The following RFC1 variants were observed in gnomAD, a reference collection of about 807,000 sequenced individuals.
The protein encoded by RFC1 is replication factor C subunit 1.
In RFC1, 37 loss-of-function variants were observed where a neutral mutation model predicts 137.4. The observed-to-expected ratio is 0.27, with a 90% CI of 0.21 to 0.35. The LOEUF (loss-of-function observed/expected upper bound fraction) is 0.35, where lower values mean the gene tolerates loss of function less well. Among genes scored for constraint, RFC1 ranks in the 10% least tolerant of loss-of-function variants. The probability of loss-of-function intolerance (pLI) is 1.00; values close to 1 mark genes in which losing one functional copy is unlikely to be tolerated. For missense variants in RFC1, 1,205 were observed against 1,358.5 expected, an observed-to-expected ratio of 0.89 and a Z score of 1.78; for synonymous variants, 429 against 455.7, an observed-to-expected ratio of 0.94 and a Z score of 0.75.
Position 39,351,433 on chromosome 4 carries a change from A to G in RFC1, c.47T>C (p.Leu16Pro). Residue 16 changes from leucine (L) to proline (P), a missense_variant, in exon 2 of 25, where the codon CTT becomes CCT. Coordinates refer to ENST00000349703, the MANE Select transcript of RFC1 (RefSeq NM_002913.5). ...ATTCTTCTTTACTGTTTCACTTACA[A>G]GTTTCTTTCCACTTGGTATTACTCC... ...FFGVIPSGKK[L>P]VSETVKKNEK... The G allele has an allele frequency of 6.3e-7, 1 of 1,579,562 alleles. No individual in the cohort carries two copies. The highest frequency in any genetic ancestry group is 8.6e-7 in the Non-Finnish European group (1 of 1,165,704).
chr4:39,287,470 A>G lies in RFC1; in HGVS notation c.*1291T>C, dbSNP rs1360156114. The G allele has an allele frequency of 6.6e-6, 1 of 152,218 alleles. No homozygotes were observed. The highest frequency in any genetic ancestry group is 2.4e-5 in the African/African-American group (1 of 41,462). The allele number at this position is 152,218 out of a possible 1,614,324, so 9.4% of individuals were successfully genotyped here. The stretch of plus-strand genomic sequence containing the variant: ...GACTCAGCAGGCAAGGGCTTAGGCA[A>G]TGTTTTATTTCCATAATGAATTAAT... On this transcript the variant is annotated 3_prime_UTR_variant, in exon 25 of 25. Transcript: ENST00000349703.
chr4:39,350,110 A>C (rs1390453398), intron 2 of RFC1, among the ~76,000 whole-genome samples: 1 of 152,228 alleles, frequency 6.6e-6, no homozygotes, highest in African/African-American at 2.4e-5. Context: ...TAAAAAATAC[A>C]ATATGTAAAA....
At chr4:39,360,539 TAAAATAAAATA>T (rs1741704026) in intron 1 of RFC1, among the ~76,000 whole-genome samples, 1 of 148,812 alleles carries the variant, frequency 6.7e-6, no homozygotes, top group South Asian at 2.1e-4. Context: ...TAAAATAAAA[TAAAATAAAATA>T]AAATAAATAC....
intron 22 of RFC1, among the ~76,000 whole-genome samples, chr4:39,295,158 C>G (rs1737916391): frequency 6.6e-6 from 1 of 152,246 alleles, no homozygotes; most frequent in South Asian, 2.1e-4. Flanking sequence ...TGAGCAGCCT[C>G]CTCCTGTTAC....
chr4:39,290,451 G>A (rs1157122531), intron 23 of RFC1, among the ~76,000 whole-genome samples: 1 of 151,978 alleles, frequency 6.6e-6, no homozygotes, highest in Non-Finnish European at 1.5e-5. Flanking sequence ...AAGTCATCAT[G>A]TTTACCTATT....
At chr4:39,352,990 T>C (rs553856292) in intron 1 of RFC1, among the ~76,000 whole-genome samples, 3 of 151,790 alleles carry the variant, frequency 2.0e-5, no homozygotes, top group Non-Finnish European at 2.9e-5. Flanking sequence ...ACAATAATTG[T>C]CATACTCTTA....
chr4:39,332,681 C>T (rs898267873), intron 4 of RFC1, among the ~76,000 whole-genome samples: 12 of 152,264 alleles, frequency 7.9e-5, no homozygotes, highest in African/African-American at 2.4e-4. Context: ...TTAATCTATC[C>T]GCTGAACAGG....
chr4:39,349,521 G>C (rs1481216697), intron 2 of RFC1, among the ~76,000 whole-genome samples: 1 of 152,118 alleles, frequency 6.6e-6, no homozygotes, highest in Non-Finnish European at 1.5e-5. Flanking sequence ...GACAACACGA[G>C]AAGGCAGCCA....
At chr4:39,305,557 G>A (rs907282221) in intron 14 of RFC1, among the ~76,000 whole-genome samples, 5 of 152,116 alleles carry the variant, frequency 3.3e-5, no homozygotes, top group Admixed American at 6.6e-5. Context: ...GCAGTGAACC[G>A]AGACCGTGCC....
chr4:39,343,493 A>T (rs1306433415), intron 3 of RFC1, among the ~76,000 whole-genome samples: 1 of 152,208 alleles, frequency 6.6e-6, no homozygotes, highest in Non-Finnish European at 1.5e-5. Flanking sequence ...GGGCACTTAA[A>T]TATAAATCAG....
intron 12 of RFC1, among the ~76,000 whole-genome samples, chr4:39,310,086 G>A (rs1029866249): frequency 1.3e-5 from 2 of 152,052 alleles, no homozygotes; most frequent in East Asian, 3.9e-4. Context: ...TCTATGATAG[G>A]ATGCACTGAG....
intron 1 of RFC1, among the ~76,000 whole-genome samples, chr4:39,357,431 A>G (rs990402313): frequency 1.3e-5 from 2 of 152,262 alleles, no homozygotes; most frequent in Non-Finnish European, 2.9e-5. Flanking sequence ...CAGGCATATT[A>G]AAATAGCAAA....
At chr4:39,296,901 C>G (rs17335403) in intron 21 of RFC1, among the ~76,000 whole-genome samples, 75,552 of 149,552 alleles carry the variant, frequency 0.51, 20,613 homozygotes, top group African/African-American at 0.73. Context: ...TCTCCACATC[C>G]TCTCCAGCAC....
chr4:39,319,930 T>C (rs1739431456), intron 9 of RFC1, among the ~76,000 whole-genome samples: 1 of 152,156 alleles, frequency 6.6e-6, no homozygotes, highest in African/African-American at 2.4e-5. Context: ...GTACCCAATT[T>C]AAACCTTATT....
At chr4:39,311,632 C>G in intron 11 of RFC1, 83 bp from the exon 12 acceptor site, 2 of 962,072 alleles carry the variant, frequency 2.1e-6, no homozygotes, top group Non-Finnish European at 3.1e-6. Context: ...AATTCTAGGG[C>G]CTATTAGTAG....
At chr4:39,307,336 C>T (rs1451719064) in intron 13 of RFC1, 3 of 153,568 alleles carry the variant, frequency 2.0e-5, no homozygotes, top group African/African-American at 7.2e-5. Flanking sequence ...ATGCTCAACT[C>T]ATACTCAATA....
intron 2 of RFC1, 146 bp from the exon 3 acceptor site, chr4:39,345,622 G>T (rs1242956259): frequency 1.4e-5 from 8 of 581,364 alleles, no homozygotes; most frequent in Non-Finnish European, 2.1e-5. Flanking sequence ...CCAGGTTCAC[G>T]CCATTCTCCT....
chr4:39,333,171 C>T (rs2109705656), intron 4 of RFC1, among the ~76,000 whole-genome samples: 1 of 152,272 alleles, frequency 6.6e-6, no homozygotes, highest in South Asian at 2.1e-4. Flanking sequence ...CAAACGAACT[C>T]TTAAGATTTT....
intron 6 of RFC1, 44 bp downstream of exon 6, chr4:39,326,518 GT>G (rs756764382): frequency 4.7e-5 from 70 of 1,503,890 alleles, no homozygotes; most frequent in Non-Finnish European, 5.7e-5. Context: ...TAAATAGCTA[GT>G]CAGAATATCA....
Sources: gnomAD v4.1 joint callset for allele counts (sites outside exome capture counted in the v4.1 genomes callset) on GRCh38, gnomAD v4.1.1 for gene constraint, MANE v1.5 for transcripts, NCBI Gene and HGNC (gene_info 2026-07-23, HGNC 2026-07-21) for gene names.